LRRC4C: variants seen among roughly 807,000 people sequenced by gnomAD.
LRRC4C encodes the protein leucine-rich repeat-containing protein 4C.
LRRC4C carries 5 observed loss-of-function variants against 33.6 expected under a neutral mutation model. That is an observed-to-expected ratio of 0.15 (90% CI 0.08 to 0.31). The LOEUF is 0.31. LRRC4C is among the 10% of genes least tolerant of loss of function. The probability of loss-of-function intolerance (pLI) is 1.00; values close to 1 mark genes in which losing one functional copy is unlikely to be tolerated. For missense variants in LRRC4C, 560 were observed against 796.7 expected (o/e 0.70, Z 3.58); for synonymous variants, 329 against 302.0 (o/e 1.09, Z -0.93).
intron 3 of LRRC4C, among the ~76,000 whole-genome samples, chr11:40,505,978 C>T (rs1258391296): frequency 6.6e-6 from 1 of 151,968 alleles, no homozygotes; most frequent in African/African-American, 2.4e-5. Flanking sequence ...TTGAAGTTTT[C>T]CTGGAAACTT....
intron 3 of LRRC4C, among the ~76,000 whole-genome samples, chr11:40,503,608 C>A (rs970077482): frequency 2.0e-5 from 3 of 152,202 alleles, no homozygotes; most frequent in Non-Finnish European, 4.4e-5. Context: ...CTCGCTATCA[C>A]AATTCTTGCA....
intron 3 of LRRC4C, among the ~76,000 whole-genome samples, chr11:40,402,900 C>T (rs1949814293): frequency 6.6e-6 from 1 of 152,054 alleles, no homozygotes; most frequent in African/African-American, 2.4e-5. Context: ...TTTCATAAGA[C>T]CAGTTCCACT....
intron 1 of LRRC4C, among the ~76,000 whole-genome samples, chr11:41,138,710 C>T (rs1943373035): frequency 6.6e-6 from 1 of 152,108 alleles, no homozygotes; most frequent in South Asian, 2.1e-4. Flanking sequence ...CAATTTTCCT[C>T]CCTAAATAGA....
chr11:40,458,459 T>C (rs1440120), intron 3 of LRRC4C, among the ~76,000 whole-genome samples: 6,182 of 152,222 alleles, frequency 0.041, 399 homozygotes, highest in African/African-American at 0.14. Flanking sequence ...AAATCTGTCT[T>C]TCAAACATCA....
intron 1 of LRRC4C, among the ~76,000 whole-genome samples, chr11:41,341,508 CT>C (rs1318468286): frequency 6.6e-6 from 1 of 152,084 alleles, no homozygotes; most frequent in Admixed American, 6.5e-5. Flanking sequence ...ACCATGCCTG[CT>C]TTTCCCCCCA....
At chr11:41,380,882 T>G (rs143463695) in intron 1 of LRRC4C, among the ~76,000 whole-genome samples, 2 of 152,264 alleles carry the variant, frequency 1.3e-5, no homozygotes, top group African/African-American at 4.8e-5. Context: ...CAGGATAGGT[T>G]AGACACAAAC....
chr11:41,259,996 T>C (rs761779299), intron 1 of LRRC4C, among the ~76,000 whole-genome samples: 3 of 152,054 alleles, frequency 2.0e-5, no homozygotes, highest in Non-Finnish European at 2.9e-5. Flanking sequence ...CTAATATCTG[T>C]AGGTGCAAAT....
chr11:40,411,820 T>C (rs1203175641), intron 3 of LRRC4C, among the ~76,000 whole-genome samples: 1 of 152,040 alleles, frequency 6.6e-6, no homozygotes, highest in East Asian at 1.9e-4. Context: ...AAACTGATAG[T>C]GATAATATAA....
At chr11:40,962,899 C>T (rs565540891) in intron 1 of LRRC4C, among the ~76,000 whole-genome samples, 1 of 151,624 alleles carries the variant, frequency 6.6e-6, no homozygotes, top group Non-Finnish European at 1.5e-5. Context: ...ATAAACAGGA[C>T]AGGAAGCAGG....
rs147828538 is a variant in LRRC4C, at chr11:41,133,293, T to C, written c.-495-199570A>G. 1.8e-3 allele frequency among the ~76,000 whole-genome samples: 281 copies of C among 152,150 alleles called. 3 individuals are homozygous for C. The highest frequency in any genetic ancestry group is 0.018 in the East Asian group (95 of 5,156). On this transcript the variant is annotated intron_variant, in intron 1 of 6. Transcript: ENST00000528697. ...CTCTTTCAAAGTTCAGGGCTAACCA[T>C]AGGGGATGGTGGGGAAAGTGATCTC...
At chr11:40,939,197 C>T (rs1423923467) in intron 1 of LRRC4C, among the ~76,000 whole-genome samples, 1 of 152,000 alleles carries the variant, frequency 6.6e-6, no homozygotes, top group Non-Finnish European at 1.5e-5. Context: ...AGTGTTTTCA[C>T]AATGCTGTTT....
At chr11:40,649,399 ATC>A (rs1942652351) in intron 2 of LRRC4C, among the ~76,000 whole-genome samples, 1 of 152,156 alleles carries the variant, frequency 6.6e-6, no homozygotes, top group Admixed American at 6.5e-5. Context: ...CTACTTGCAC[ATC>A]CATGTATAGG....
At chr11:40,728,293 G>T (rs1330911038) in intron 2 of LRRC4C, among the ~76,000 whole-genome samples, 1 of 151,982 alleles carries the variant, frequency 6.6e-6, no homozygotes, top group African/African-American at 2.4e-5. Context: ...CCCCATTACT[G>T]GGTATATGTC....
chr11:40,757,810 T>C (rs1052799647), intron 2 of LRRC4C, among the ~76,000 whole-genome samples: 3 of 152,024 alleles, frequency 2.0e-5, no homozygotes, highest in Non-Finnish European at 2.9e-5. Context: ...CAAAGGGTAA[T>C]AGCACACCTG....
intron 4 of LRRC4C, among the ~76,000 whole-genome samples, chr11:40,298,050 G>A (rs1231175009): frequency 4.6e-5 from 7 of 152,104 alleles, no homozygotes; most frequent in Non-Finnish European, 8.8e-5. Flanking sequence ...GTGAATAAAC[G>A]TCTAAGATAA....
At chr11:40,305,746 G>C (rs1374422823) in intron 4 of LRRC4C, among the ~76,000 whole-genome samples, 1 of 152,102 alleles carries the variant, frequency 6.6e-6, no homozygotes, top group Admixed American at 6.5e-5. Context: ...GTGTGACTTT[G>C]GTAAGTTATT....
At chr11:40,594,361 A>G (rs1371372518) in intron 3 of LRRC4C, among the ~76,000 whole-genome samples, 1 of 152,238 alleles carries the variant, frequency 6.6e-6, no homozygotes, top group Non-Finnish European at 1.5e-5. Flanking sequence ...TGAGAAAACA[A>G]GAGCTCAGAG....
intron 3 of LRRC4C, among the ~76,000 whole-genome samples, chr11:40,373,518 T>C (rs1285771109): frequency 6.6e-6 from 1 of 152,154 alleles, no homozygotes; most frequent in East Asian, 1.9e-4. Flanking sequence ...ATATACACTT[T>C]CTAAATGAAA....
intron 1 of LRRC4C, among the ~76,000 whole-genome samples, chr11:40,963,838 C>T (rs1156676272): frequency 7.9e-5 from 12 of 151,786 alleles, no homozygotes; most frequent in Admixed American, 5.3e-4. Context: ...CTTATTTAGA[C>T]ATATGCAGGT....
Sources: gnomAD v4.1 joint callset for allele counts (sites outside exome capture counted in the v4.1 genomes callset) on GRCh38, gnomAD v4.1.1 for gene constraint, MANE v1.5 for transcripts, NCBI Gene and HGNC (gene_info 2026-07-23, HGNC 2026-07-21) for gene names.